MTOR: variants seen among roughly 807,000 people sequenced by gnomAD.
The protein encoded by MTOR is mechanistic target of rapamycin kinase, also known as serine/threonine-protein kinase mTOR.
A neutral mutation model predicts 319.8 loss-of-function variants in MTOR; 70 were observed. The ratio of observed to expected loss-of-function variants is 0.22; its 90% confidence interval spans 0.18 to 0.27. The LOEUF (loss-of-function observed/expected upper bound fraction) is 0.27, where lower values mean the gene tolerates loss of function less well. Among genes scored for constraint, MTOR ranks in the 10% least tolerant of loss-of-function variants. The pLI, the probability that MTOR is intolerant of heterozygous loss-of-function variation, is 1.00. For synonymous variants in MTOR, 1,183 were observed against 1,211.4 expected (o/e 0.98, Z 0.49); for missense variants, 1,890 against 3,274.4 (o/e 0.58, Z 10.32).
intron 1 of MTOR, 81 bp from the exon 2 acceptor site, chr1:11,259,504 A>T (rs1180908900): frequency 1.4e-6 from 2 of 1,435,844 alleles, no homozygotes; most frequent in African/African-American, 2.9e-5. Flanking sequence ...CACCCAACAC[A>T]GATCTCCCCC....
chr1:11,112,355 A>T (rs1641930262), intron 54 of MTOR, among the ~76,000 whole-genome samples: 1 of 152,370 alleles, frequency 6.6e-6, no homozygotes, highest in Admixed American at 6.5e-5. Context: ...GATAGATTAA[A>T]ATCAGATAGT....
At chr1:11,154,012 T>G (rs1644234457) in intron 30 of MTOR, among the ~76,000 whole-genome samples, 1 of 123,294 alleles carries the variant, frequency 8.1e-6, no homozygotes, top group African/African-American at 3.2e-5. Context: ...AAGGTTGCAG[T>G]GAGCCGAAAT....
chr1:11,192,464 A>C (rs1645579245), intron 28 of MTOR: 1 of 1,160,438 alleles, frequency 8.6e-7, no homozygotes, highest in South Asian at 1.3e-5. Flanking sequence ...GTTTAAAGAA[A>C]GGAAAATTCG....
chr1:11,253,481 TC>T (rs1649966131), intron 6 of MTOR, among the ~76,000 whole-genome samples: 1 of 152,018 alleles, frequency 6.6e-6, no homozygotes, highest in South Asian at 2.1e-4. Flanking sequence ...CAGCCATACT[TC>T]CCTTTCTTCT....
chr1:11,243,769 C>A (rs1461982676), intron 8 of MTOR, among the ~76,000 whole-genome samples: 1 of 151,692 alleles, frequency 6.6e-6, no homozygotes, highest in Non-Finnish European at 1.5e-5. Flanking sequence ...TACATTTTCA[C>A]ACAAGAATTA....
rs1643108548 is a variant in MTOR, at chr1:11,130,776, G to T, written c.5366C>A (p.Ala1789Asp). 2 of 1,562,474 alleles carry T rather than the reference G, an allele frequency of 1.3e-6. No homozygotes were observed. The highest frequency in any genetic ancestry group is 1.7e-6 in the Non-Finnish European group (2 of 1,152,664). ...GTTCATCACTGCCCACGCATGCCAG[G>T]CCTGGTTGGGGAGAAAGGCAAGGAC... ...ATEHDRSWYK[A>D]WHAWAVMNFE... is the part of the protein sequence containing the mutation. The change falls in exon 39 of 58, where the codon GCC becomes GAC. Residue 1789 changes from alanine to aspartate, a missense_variant and splice_region_variant. Physicochemically the swap from Ala to Asp is moderately radical, Grantham distance 126. This residue lies in a region of MTOR where 276 missense variants were observed against 459.4 expected (regional missense o/e 0.60). Coordinates refer to ENST00000361445, the MANE Select transcript of MTOR (RefSeq NM_004958.4).
chr1:11,153,796 C>T (rs541409372), intron 30 of MTOR, among the ~76,000 whole-genome samples: 149 of 152,106 alleles, frequency 9.8e-4, no homozygotes, highest in Admixed American at 3.1e-3. Flanking sequence ...AGGCCGGATG[C>T]AGTGGCTCAC....
chr1:11,125,440 G>C (rs1642774946), intron 46 of MTOR, among the ~76,000 whole-genome samples: 1 of 152,056 alleles, frequency 6.6e-6, no homozygotes, highest in South Asian at 2.1e-4. Context: ...TATTAAGAGC[G>C]AGAGGTGAGG....
rs1646561213 is a variant in MTOR at position 11,218,762 on chromosome 1, C to T, written c.3031-2528G>A. Among the ~76,000 whole-genome samples the T allele has an allele frequency of 2.0e-5, 3 of 152,290 alleles. No individual in the cohort carries two copies. The South Asian group carries it at 6.2e-4, about 32-fold the overall frequency. Reference sequence around the variant, plus strand: ...AGCTGCCTCTTCTTCCTTAGCCTTTCACATGTGTTCTCTTTTTGCTCGGAA... The same window carrying T: ...AGCTGCCTCTTCTTCCTTAGCCTTTTACATGTGTTCTCTTTTTGCTCGGAA... On this transcript the variant is annotated intron_variant, in intron 19 of 57. Transcript: ENST00000361445.
intron 32 of MTOR, among the ~76,000 whole-genome samples, chr1:11,146,457 G>C (rs1373529190): frequency 1.3e-5 from 2 of 152,158 alleles, no homozygotes; most frequent in Non-Finnish European, 2.9e-5. Flanking sequence ...CGAGACAGTA[G>C]CTTCCAGAAC....
At chr1:11,203,663 C>G (rs1177819458) in intron 26 of MTOR, among the ~76,000 whole-genome samples, 2 of 152,178 alleles carry the variant, frequency 1.3e-5, no homozygotes, top group Non-Finnish European at 2.9e-5. Flanking sequence ...CAGAACAAGA[C>G]TCTCAAAAAA....
At chr1:11,111,392 A>G in intron 54 of MTOR, 1 of 239,000 alleles carries the variant, frequency 4.2e-6, no homozygotes, top group South Asian at 3.9e-5. Context: ...GAGGCAGGAG[A>G]ATTGCTTGAA....
At chr1:11,219,034 C>T (rs1646571232) in intron 19 of MTOR, among the ~76,000 whole-genome samples, 1 of 151,970 alleles carries the variant, frequency 6.6e-6, no homozygotes, top group Admixed American at 6.6e-5. Flanking sequence ...CATGGCAAAA[C>T]CTTGTCTCTA....
intron 19 of MTOR, among the ~76,000 whole-genome samples, chr1:11,223,404 T>C (rs137911401): frequency 4.6e-5 from 7 of 152,230 alleles, no homozygotes; most frequent in Middle Eastern, 6.8e-3. Flanking sequence ...AAAGTATGTA[T>C]TGGTGAAATA....
chr1:11,129,597 T>C lies in MTOR; in HGVS notation c.5714+141A>G. The C allele has an allele frequency of 1.4e-6, 1 of 695,186 alleles. No homozygotes were observed. Among genetic ancestry groups the C allele is most frequent in the Non-Finnish European group, 2.5e-6 (1 of 399,536 alleles). 43.1% of individuals were successfully genotyped at this position (695,186 alleles called of 1,614,324 possible). ...GCCCAGTCAGCTGTTACTCCTTAAA[T>C]GCAGTGCAGAAAAAAGGCACATACA... is the stretch of plus-strand genomic sequence containing the variant. On this transcript the variant is annotated intron_variant, in intron 40 of 57. Coordinates refer to ENST00000361445, the MANE Select transcript of MTOR (RefSeq NM_004958.4). The surrounding 1 kb of genome is among the most constrained non-coding windows in gnomAD (Gnocchi z 4.7).
rs759934314 is a variant in MTOR, at chr1:11,127,616, C to T, written c.6216+8G>A. 2 of 1,608,160 alleles carry T rather than the reference C, an allele frequency of 1.2e-6. No individual in the cohort carries two copies. The highest frequency in any genetic ancestry group is 1.7e-5 in the Admixed American group (1 of 58,800). On this transcript the variant is annotated splice_region_variant and intron_variant, in intron 44 of 57. Transcript: ENST00000361445. This position sits in a 1 kb window ranked among gnomAD's most constrained non-coding sequence, Gnocchi z 5.5. ...GGGTTATGTCCTTTCGTGTTTTTTA[C>T]CCCATACCTGATTAAAGGATGTTTC...
chr1:11,258,815 GA>G lies in MTOR; in HGVS notation c.163-223del, dbSNP rs374128462. On this transcript the variant is annotated intron_variant, in intron 2 of 57. Coordinates refer to ENST00000361445, the MANE Select transcript of MTOR (RefSeq NM_004958.4). ...TTTATTAGGTATCTACTCTGTGGCAGAAAATGTCCTGTCCTAGGTTCTTTCT... is the reference window on the plus strand; with the variant it reads ...TTTATTAGGTATCTACTCTGTGGCAGAAATGTCCTGTCCTAGGTTCTTTCT... Among the ~76,000 whole-genome samples the G allele has an allele frequency of 3.2e-4, 49 of 152,278 alleles. No homozygotes were observed. The South Asian group carries it at 8.1e-3, about 25-fold the overall frequency.
At chr1:11,223,929 C>T (rs958582353) in intron 19 of MTOR, among the ~76,000 whole-genome samples, 23 of 151,978 alleles carry the variant, frequency 1.5e-4, no homozygotes, top group African/African-American at 5.5e-4. Context: ...ATCCCAGCTA[C>T]CTGGGAGGGT....
chr1:11,209,267 A>G (rs1001580098), intron 25 of MTOR, 45 bp downstream of exon 25: 1 of 1,610,956 alleles, frequency 6.2e-7, no homozygotes, highest in African/African-American at 1.3e-5. Flanking sequence ...GTAAGTGAGA[A>G]GAGCAGAGCT....
Sources: gnomAD v4.1 joint callset for allele counts (sites outside exome capture counted in the v4.1 genomes callset) on GRCh38, gnomAD v4.1.1 for gene constraint, gnomAD v4.1.1 regional missense constraint, Gnocchi (gnomAD v3.1) non-coding constraint, MANE v1.5 for transcripts, NCBI Gene and HGNC (gene_info 2026-07-23, HGNC 2026-07-21) for gene names.